SHTN1: variants seen among roughly 807,000 people sequenced by gnomAD.
The protein encoded by SHTN1 is shootin 1.
Under a neutral mutation model 83.1 loss-of-function variants are expected in SHTN1, and 42 were observed. That is an observed-to-expected ratio of 0.51 (90% confidence interval 0.39 to 0.65). The LOEUF is 0.65. SHTN1 is among the 30% of genes least tolerant of loss of function. The probability of loss-of-function intolerance (pLI) is 0.00; values close to 1 mark genes in which losing one functional copy is unlikely to be tolerated. For synonymous variants in SHTN1, 224 were observed against 247.7 expected (o/e 0.90, Z 0.90); for missense variants, 622 against 737.8 (o/e 0.84, Z 1.82).
rs534318233 is a variant in SHTN1 at position 116,924,323 on chromosome 10, C to T, written c.1113-2807G>A. ...CACACTCTGCACTGACCTCGCCTCTCGTTCTGTGAGATTTTGCAAGTGTAC... is the reference window on the plus strand; with the variant it reads ...CACACTCTGCACTGACCTCGCCTCTTGTTCTGTGAGATTTTGCAAGTGTAC... On this transcript the variant is annotated intron_variant, in intron 11 of 16. Transcript: ENST00000355371. Among the ~76,000 whole-genome samples, 155 of 149,904 alleles carry T rather than the reference C, an allele frequency of 1.0e-3. 1 individual carries two copies. The highest frequency in any genetic ancestry group is 7.8e-4 in the Non-Finnish European group (53 of 68,008).
At chr10:116,901,324 T>A in intron 16 of SHTN1, 2 of 985,166 alleles carry the variant, frequency 2.0e-6, no homozygotes, top group Non-Finnish European at 2.4e-6. Flanking sequence ...TAGAGCAATA[T>A]TAGGCACATC....
intron 9 of SHTN1, among the ~76,000 whole-genome samples, chr10:116,939,617 C>G (rs747993046): frequency 2.8e-4 from 42 of 152,182 alleles, no homozygotes; most frequent in Non-Finnish European, 1.3e-4. Flanking sequence ...ATCTTACCAG[C>G]CACCATATAT....
chr10:116,881,503 T>TA lies in SHTN1; in HGVS notation c.*4840dup. On this transcript the variant is annotated 3_prime_UTR_variant, in exon 17 of 17. Coordinates refer to ENST00000355371, the MANE Select transcript of SHTN1 (RefSeq NM_001127211.3). ...TGGATTAGACAGTAAACTTTATTGTTACTTTAAATAGGTTTCAAAGAAGAA... is the reference window on the plus strand; with the variant it reads ...TGGATTAGACAGTAAACTTTATTGTTAACTTTAAATAGGTTTCAAAGAAGAA... 1.3e-6 allele frequency: 2 copies of TA among 1,527,318 alleles called. No homozygotes were observed. 94.6% of individuals were successfully genotyped at this position (1,527,318 alleles called of 1,614,324 possible).
chr10:117,013,363 AG>A (rs1852136136), intron 2 of SHTN1, among the ~76,000 whole-genome samples: 1 of 152,042 alleles, frequency 6.6e-6, no homozygotes, highest in South Asian at 2.1e-4. Flanking sequence ...TAGTAGAGAC[AG>A]GGTTTCACTA....
At chr10:117,005,383 A>G (rs1052006872), upstream of SHTN1, 26 of 1,191,844 alleles carry the variant, frequency 2.2e-5, no homozygotes, top group African/African-American at 3.6e-4. Context: ...CCGGCGCGGC[A>G]GGACGCGCTG....
At chr10:116,969,825 C>T (rs1390906698) in intron 2 of SHTN1, among the ~76,000 whole-genome samples, 1 of 152,064 alleles carries the variant, frequency 6.6e-6, no homozygotes, top group Non-Finnish European at 1.5e-5. Flanking sequence ...TCTTGAATTT[C>T]ATAAAACAGG....
chr10:117,043,674 C>T (rs1195092952), intron 2 of SHTN1, among the ~76,000 whole-genome samples: 2 of 151,740 alleles, frequency 1.3e-5, no homozygotes, highest in Admixed American at 1.3e-4. Context: ...GATCCCATCT[C>T]TACAAAAAAT....
chr10:117,077,198 G>C (rs1853171418), intron 1 of SHTN1, among the ~76,000 whole-genome samples: 1 of 152,166 alleles, frequency 6.6e-6, no homozygotes, highest in Non-Finnish European at 1.5e-5. Flanking sequence ...GTGGTCATAT[G>C]TCAGCTTTTC....
intron 1 of SHTN1, among the ~76,000 whole-genome samples, chr10:117,086,479 A>T (rs1314017700): frequency 6.6e-6 from 1 of 152,176 alleles, no homozygotes; most frequent in Non-Finnish European, 1.5e-5. Flanking sequence ...TATCTACAAT[A>T]CTTGTAACTG....
chr10:117,062,943 C>A (rs577703128), intron 1 of SHTN1, among the ~76,000 whole-genome samples: 1 of 152,118 alleles, frequency 6.6e-6, no homozygotes, highest in East Asian at 1.9e-4. Context: ...AGAACTCAGA[C>A]GGTACCTACA....
chr10:117,048,132 G>A (rs1852693915), intron 2 of SHTN1, among the ~76,000 whole-genome samples: 1 of 152,056 alleles, frequency 6.6e-6, no homozygotes, highest in Non-Finnish European at 1.5e-5. Context: ...AACCCGAATA[G>A]TAAACACCAT....
At chr10:117,028,155 T>A (rs1852357569) in intron 2 of SHTN1, among the ~76,000 whole-genome samples, 1 of 152,162 alleles carries the variant, frequency 6.6e-6, no homozygotes, top group Non-Finnish European at 1.5e-5. Context: ...GCCCTATGGA[T>A]CTGTGGAACT....
At chr10:116,966,860 C>A (rs1015279108) in intron 3 of SHTN1, among the ~76,000 whole-genome samples, 5 of 152,160 alleles carry the variant, frequency 3.3e-5, no homozygotes, top group Non-Finnish European at 7.3e-5. Flanking sequence ...AGAATAAGTA[C>A]ATTCCATAAG....
intron 3 of SHTN1, among the ~76,000 whole-genome samples, chr10:116,966,445 T>G (rs190178451): frequency 1.3e-3 from 196 of 152,284 alleles, no homozygotes; most frequent in Non-Finnish European, 2.3e-3. Context: ...TTAAAGACAC[T>G]TAGTAAAGGT....
intron 1 of SHTN1, among the ~76,000 whole-genome samples, chr10:117,125,692 G>A (rs1379899194): frequency 3.3e-5 from 5 of 152,002 alleles, no homozygotes; most frequent in African/African-American, 7.3e-5. Context: ...GTTTCTCCCT[G>A]GGATGCCCTG....
rs1397784813 is a variant in SHTN1 at position 116,899,538 on chromosome 10, TGTGTGTGTGAGA to T, written c.1673+2215_1673+2226del. Reference sequence around the variant, plus strand: ...GTGTGTGTGTGTGTGTGTGTGTGTGTGTGTGTGTGAGAGAGTGCATGCATACATATGTTGGGA... The same window carrying T: ...GTGTGTGTGTGTGTGTGTGTGTGTGTGAGTGCATGCATACATATGTTGGGA... On this transcript the variant is annotated intron_variant, in intron 16 of 16. Transcript: ENST00000355371. Among the ~76,000 whole-genome samples the T allele has an allele frequency of 5.9e-4, 52 of 88,678 alleles. 1 individual carries two copies. The highest frequency in any genetic ancestry group is 2.4e-3 in the South Asian group (6 of 2,482). The allele number at this position is 88,678 out of a possible 152,430, so 58.2% of individuals were successfully genotyped here. A position where few individuals can be genotyped will look rare whatever the true frequency, so the allele number is the denominator to read the frequency against.
intron 1 of SHTN1, among the ~76,000 whole-genome samples, chr10:117,081,518 T>C (rs1481182198): frequency 2.8e-5 from 4 of 142,510 alleles, no homozygotes; most frequent in Admixed American, 1.4e-4. Flanking sequence ...TGTCTCTGCC[T>C]GGCTTTGGTA....
intron 7 of SHTN1, among the ~76,000 whole-genome samples, chr10:116,948,565 C>T (rs1358470113): frequency 1.3e-5 from 2 of 152,108 alleles, no homozygotes; most frequent in African/African-American, 2.4e-5. Context: ...ACAGCCTAAC[C>T]TCTTCTGGAT....
chr10:116,900,175 G>A (rs1847680933), intron 16 of SHTN1: 1 of 195,914 alleles, frequency 5.1e-6, no homozygotes, highest in Admixed American at 5.7e-5. Flanking sequence ...ATTTTATTTA[G>A]CTAAAGAATG....
Sources: gnomAD v4.1 joint callset for allele counts (sites outside exome capture counted in the v4.1 genomes callset) on GRCh38, gnomAD v4.1.1 for gene constraint, MANE v1.5 for transcripts, NCBI Gene and HGNC (gene_info 2026-07-23, HGNC 2026-07-21) for gene names.